VPS37A: variants seen among roughly 807,000 people sequenced by gnomAD.
VPS37A encodes VPS37A subunit of ESCRT-I, also known as vacuolar protein sorting-associated protein 37A.
In VPS37A, 30 loss-of-function variants were observed where a neutral mutation model predicts 49.8. The observed-to-expected ratio is 0.60, with a 90% CI of 0.45 to 0.82. The LOEUF (loss-of-function observed/expected upper bound fraction) is 0.82, where lower values mean the gene tolerates loss of function less well. Among genes scored for constraint, VPS37A ranks in the 40% least tolerant of loss-of-function variants. VPS37A has a pLI of 0.00. For missense variants in VPS37A, 593 were observed against 464.4 expected (o/e 1.28, Z -2.55); for synonymous variants, 195 against 160.6 (o/e 1.21, Z -1.62).
chr8:17,304,505 G>T (rs1288973984), downstream of VPS37A: 3 of 1,613,204 alleles, frequency 1.9e-6, no homozygotes, highest in Non-Finnish European at 2.5e-6. Flanking sequence ...TAATGAGTAT[G>T]TTCTTTCTTG....
chr8:17,253,488 A>T (rs1449417863), intron 1 of VPS37A, among the ~76,000 whole-genome samples: 2 of 152,238 alleles, frequency 1.3e-5, no homozygotes, highest in African/African-American at 4.8e-5. Flanking sequence ...TGGTGGAAAG[A>T]TATCAACAAA....
intron 4 of VPS37A, among the ~76,000 whole-genome samples, chr8:17,270,612 C>T (rs1813885331): frequency 6.6e-6 from 1 of 152,048 alleles, no homozygotes; most frequent in African/African-American, 2.4e-5. Context: ...CACCTAGATC[C>T]ACCCAGATTG....
chr8:17,272,097 G>A, intron 4 of VPS37A: 1 of 456,482 alleles, frequency 2.2e-6, no homozygotes, highest in Non-Finnish European at 4.4e-6. Context: ...ATTGCATGCA[G>A]CAGTATTGGT....
chr8:17,302,036 T>C (rs1817150973), downstream of VPS37A: 10 of 1,358,252 alleles, frequency 7.4e-6, no homozygotes, highest in South Asian at 6.5e-5. Context: ...TTTCAGGTGT[T>C]CTACTGACTA....
At chr8:17,289,945 AT>A in intron 11 of VPS37A, among the ~76,000 whole-genome samples, 1 of 152,104 alleles carries the variant, frequency 6.6e-6, no homozygotes, top group South Asian at 2.1e-4. Context: ...ATTCCTAGGT[AT>A]TTTATTCTCT....
At chr8:17,278,377 A>T (rs1814723186) in intron 6 of VPS37A, among the ~76,000 whole-genome samples, 1 of 152,116 alleles carries the variant, frequency 6.6e-6, no homozygotes, top group Admixed American at 6.6e-5. Flanking sequence ...GAAGAACTTG[A>T]CTTAATCAAC....
At chr8:17,304,897 C>G (rs578073333), downstream of VPS37A, among the ~76,000 whole-genome samples, 4 of 152,186 alleles carry the variant, frequency 2.6e-5, no homozygotes, top group East Asian at 7.8e-4. Context: ...TGAGCTCTGT[C>G]TAATTTACAG....
At chr8:17,321,807 T>G in the VPS37A span, among the ~76,000 whole-genome samples, 20 of 152,334 alleles carry the variant, frequency 1.3e-4, no homozygotes, top group African/African-American at 3.6e-4. Context: ...CTAGTGATAT[T>G]TGTTTTATAT....
At chr8:17,249,959 G>A (rs1264388137) in intron 1 of VPS37A, among the ~76,000 whole-genome samples, 5 of 152,190 alleles carry the variant, frequency 3.3e-5, no homozygotes, top group Non-Finnish European at 7.4e-5. Context: ...ATAGACAGAG[G>A]TAGGGGAAAC....
At chr8:17,287,693 C>A (rs545851438) in intron 11 of VPS37A, among the ~76,000 whole-genome samples, 23 of 151,642 alleles carry the variant, frequency 1.5e-4, no homozygotes, top group African/African-American at 5.6e-4. Flanking sequence ...AAAAAAAATT[C>A]TTTTTTCTTA....
intron 11 of VPS37A, chr8:17,286,759 T>A (rs1815632744): frequency 5.3e-6 from 1 of 189,432 alleles, no homozygotes; most frequent in East Asian, 1.4e-4. Flanking sequence ...CTCAGAAGGC[T>A]CCTTTGTCAT....
At chr8:17,305,833 G>T (rs1285232350), downstream of VPS37A, 2 of 1,613,586 alleles carry the variant, frequency 1.2e-6, no homozygotes, top group East Asian at 2.2e-5. Flanking sequence ...TGTTGAATGT[G>T]AATCAAAAAC....
downstream of VPS37A, among the ~76,000 whole-genome samples, chr8:17,304,991 G>A (rs1423637645): frequency 6.6e-6 from 1 of 152,112 alleles, no homozygotes; most frequent in Non-Finnish European, 1.5e-5. Flanking sequence ...TCAGACCCAA[G>A]CAGATACTGT....
chr8:17,330,078 T>C, the VPS37A span, among the ~76,000 whole-genome samples: 19 of 152,166 alleles, frequency 1.2e-4, no homozygotes, highest in Non-Finnish European at 2.6e-4. Flanking sequence ...TGTTCAAAGT[T>C]TCATAATGAC....
chr8:17,286,354 A>G lies in VPS37A; in HGVS notation c.1121A>G (p.His374Arg). 6.2e-7 allele frequency: 1 copy of G among 1,613,392 alleles called. No individual in the cohort carries two copies. Among genetic ancestry groups the G allele is most frequent in the Non-Finnish European group, 8.5e-7 (1 of 1,179,716 alleles). Residue 374 changes from histidine to arginine, a missense_variant, in exon 11 of 12, where the codon CAC becomes CGC. Physicochemically the swap from His to Arg is conservative, Grantham distance 29. Transcript: ENST00000324849. ...SSFMEKRTIC[H>R]CRRAKEEKLQ... ...CAAAAATTTATTTTCTAGATTTGCCACTGTAGAAGAGCCAAGGAAGAGAAA... is the reference window on the plus strand; with the variant it reads ...CAAAAATTTATTTTCTAGATTTGCCGCTGTAGAAGAGCCAAGGAAGAGAAA...
chr8:17,305,106 G>C (rs942077409), downstream of VPS37A, among the ~76,000 whole-genome samples: 5 of 152,146 alleles, frequency 3.3e-5, no homozygotes, highest in Middle Eastern at 3.2e-3. Context: ...AGCTTCCTTA[G>C]AGAAAACAAA....
At chr8:17,282,103 G>C (rs1187048498) in intron 9 of VPS37A, among the ~76,000 whole-genome samples, 1 of 151,110 alleles carries the variant, frequency 6.6e-6, no homozygotes, top group Non-Finnish European at 1.5e-5. Flanking sequence ...TGAACAAAAA[G>C]AAAAAATGAA....
intron 11 of VPS37A, among the ~76,000 whole-genome samples, chr8:17,290,235 G>T (rs1816011234): frequency 1.3e-5 from 2 of 152,134 alleles, no homozygotes; most frequent in Admixed American, 1.3e-4. Flanking sequence ...CCAGTACTGT[G>T]TTGAATAGGA....
chr8:17,298,019 G>A lies in VPS37A; in HGVS notation c.*3033G>A, dbSNP rs1816839673. On this transcript the variant is annotated 3_prime_UTR_variant, in exon 12 of 12. Transcript: ENST00000324849. ...TTCAAATAAAAGCATAGTGCTGTTT[G>A]GCATAGATACTTTGTCATTTTTTAA... The A allele has an allele frequency of 6.6e-6, 1 of 151,936 alleles. No homozygotes were observed. The highest frequency in any genetic ancestry group is 2.1e-4 in the South Asian group (1 of 4,820). 9.4% of individuals were successfully genotyped at this position (151,936 alleles called of 1,614,324 possible).
Sources: gnomAD v4.1 joint callset for allele counts (sites outside exome capture counted in the v4.1 genomes callset) on GRCh38, gnomAD v4.1.1 for gene constraint, MANE v1.5 for transcripts, NCBI Gene and HGNC (gene_info 2026-07-23, HGNC 2026-07-21) for gene names.